AUTS2: variants seen among roughly 807,000 people sequenced by gnomAD.
AUTS2 encodes activator of transcription and developmental regulator AUTS2.
Under a neutral mutation model 112.4 loss-of-function variants are expected in AUTS2, and 17 were observed. That is an observed-to-expected ratio of 0.15 (90% CI 0.10 to 0.23). The LOEUF is 0.23. Among genes scored for constraint, AUTS2 ranks in the 10% least tolerant of loss-of-function variants. The pLI, the probability that AUTS2 is intolerant of heterozygous loss-of-function variation, is 1.00. For synonymous variants in AUTS2, 751 were observed against 702.7 expected (o/e 1.07, Z -1.09); for missense variants, 1,510 against 1,701.6 (o/e 0.89, Z 1.98).
intron 2 of AUTS2, among the ~76,000 whole-genome samples, chr7:69,993,574 T>C (rs1323986771): frequency 6.6e-6 from 1 of 152,050 alleles, no homozygotes; most frequent in Non-Finnish European, 1.5e-5. Flanking sequence ...GTAAGACCTT[T>C]TAAACAAAAA....
In AUTS2 at chr7:70,215,305, A is replaced by G. The variant is rs544384785; in HGVS notation, c.660+80734A>G. ...TAAAGAAAATAAAAATAAAACATAG[A>G]TACCTGTGTTGTTGTTATAGCTGTT... On this transcript the variant is annotated intron_variant, in intron 4 of 18. Coordinates refer to ENST00000342771, the MANE Select transcript of AUTS2 (RefSeq NM_015570.4). Among the ~76,000 whole-genome samples, 52 of 152,244 alleles carry G rather than the reference A, an allele frequency of 3.4e-4. 1 individual carries two copies. Among genetic ancestry groups the G allele is most frequent in the African/African-American group, 1.1e-3 (45 of 41,552 alleles).
chr7:70,585,414 A>C (rs1433982562), intron 5 of AUTS2, among the ~76,000 whole-genome samples: 1 of 152,182 alleles, frequency 6.6e-6, no homozygotes, highest in Non-Finnish European at 1.5e-5. Flanking sequence ...TCTCTTCCAG[A>C]ATCCCCTATT....
intron 1 of AUTS2, among the ~76,000 whole-genome samples, chr7:69,755,863 G>A (rs1787924143): frequency 6.6e-6 from 1 of 152,146 alleles, no homozygotes. Context: ...ACATTTGGGA[G>A]TGGGGAGTGA....
At chr7:70,680,200 G>A (rs571564548) in intron 5 of AUTS2, among the ~76,000 whole-genome samples, 1 of 152,170 alleles carries the variant, frequency 6.6e-6, no homozygotes, top group East Asian at 1.9e-4. Context: ...ATTAATAGAA[G>A]GAGGAAAATA....
At chr7:70,507,433 TAA>T (rs1041355309) in intron 5 of AUTS2, among the ~76,000 whole-genome samples, 12 of 152,096 alleles carry the variant, frequency 7.9e-5, no homozygotes, top group Admixed American at 3.9e-4. Flanking sequence ...AGTGTGCAAG[TAA>T]TTCTTTTTGT....
chr7:70,533,237 T>C (rs769447679), intron 5 of AUTS2, among the ~76,000 whole-genome samples: 1 of 152,114 alleles, frequency 6.6e-6, no homozygotes, highest in East Asian at 1.9e-4. Flanking sequence ...TGCCTCAGCC[T>C]CCCTAGTAGC....
intron 1 of AUTS2, among the ~76,000 whole-genome samples, chr7:69,840,399 T>G (rs1218918499): frequency 6.6e-6 from 1 of 152,180 alleles, no homozygotes. Flanking sequence ...GTAGAGGAAG[T>G]GCTTTATAAA....
chr7:69,646,978 C>G (rs1795052522), intron 1 of AUTS2, among the ~76,000 whole-genome samples: 1 of 152,118 alleles, frequency 6.6e-6, no homozygotes, highest in South Asian at 2.1e-4. Context: ...GTCCCAGCTG[C>G]TCGGGAAGCT....
At chr7:70,026,861 G>T (rs1288651920) in intron 2 of AUTS2, among the ~76,000 whole-genome samples, 1 of 152,146 alleles carries the variant, frequency 6.6e-6, no homozygotes, top group African/African-American at 2.4e-5. Context: ...CAAGATGTTG[G>T]CTTGTTGAAG....
At chr7:69,861,844 T>A (rs2129532695) in intron 1 of AUTS2, among the ~76,000 whole-genome samples, 1 of 152,292 alleles carries the variant, frequency 6.6e-6, no homozygotes, top group East Asian at 1.9e-4. Context: ...TCTCTTGGCC[T>A]TTTTCCCGTC....
chr7:70,373,434 CTTTA>C (rs1193351913), intron 4 of AUTS2, among the ~76,000 whole-genome samples: 2 of 152,226 alleles, frequency 1.3e-5, no homozygotes, highest in East Asian at 3.9e-4. Context: ...GGGTAGGTTT[CTTTA>C]TTTATTTATT....
At chr7:69,961,758 G>T (rs559462987) in intron 2 of AUTS2, among the ~76,000 whole-genome samples, 12 of 152,176 alleles carry the variant, frequency 7.9e-5, no homozygotes, top group African/African-American at 2.9e-4. Flanking sequence ...ATGTTGTAAG[G>T]CTATGTAACT....
At chr7:70,613,011 G>A (rs531844513) in intron 5 of AUTS2, among the ~76,000 whole-genome samples, 3 of 152,118 alleles carry the variant, frequency 2.0e-5, no homozygotes, top group African/African-American at 7.2e-5. Context: ...TCATGCAGGC[G>A]ACATCAGAGA....
chr7:70,158,391 T>G (rs190753280), intron 4 of AUTS2, among the ~76,000 whole-genome samples: 217 of 152,212 alleles, frequency 1.4e-3, no homozygotes, highest in African/African-American at 5.0e-3. Flanking sequence ...AGGTGGACAA[T>G]TCTAGAGATG....
intron 5 of AUTS2, among the ~76,000 whole-genome samples, chr7:70,632,954 A>T (rs1031159971): frequency 6.6e-6 from 1 of 152,040 alleles, no homozygotes; most frequent in African/African-American, 2.4e-5. Context: ...GTACAAAAAG[A>T]TGTGAGCCAG....
chr7:69,806,814 C>T (rs970884097), intron 1 of AUTS2, among the ~76,000 whole-genome samples: 4 of 152,306 alleles, frequency 2.6e-5, no homozygotes, highest in East Asian at 3.9e-4. Context: ...CTTCCATAGT[C>T]GTCTTCTTTC....
chr7:70,497,626 T>G (rs1798607340), intron 5 of AUTS2, among the ~76,000 whole-genome samples: 1 of 152,254 alleles, frequency 6.6e-6, no homozygotes, highest in Admixed American at 6.5e-5. Flanking sequence ...CTAATAATTC[T>G]GAAAGGTAGA....
intron 1 of AUTS2, among the ~76,000 whole-genome samples, chr7:69,726,615 A>G (rs1246851466): frequency 6.6e-6 from 1 of 152,066 alleles, no homozygotes; most frequent in African/African-American, 2.4e-5. Context: ...ACTTTATAAG[A>G]AACTGCCAAA....
chr7:69,819,220 A>G (rs1193174042), intron 1 of AUTS2, among the ~76,000 whole-genome samples: 1 of 152,226 alleles, frequency 6.6e-6, no homozygotes, highest in Non-Finnish European at 1.5e-5. Context: ...CTTTTCCAGT[A>G]GAAATGGAAT....
Sources: gnomAD v4.1 joint callset for allele counts (sites outside exome capture counted in the v4.1 genomes callset) on GRCh38, gnomAD v4.1.1 for gene constraint, MANE v1.5 for transcripts, NCBI Gene and HGNC (gene_info 2026-07-23, HGNC 2026-07-21) for gene names.